The following SCTR variants were observed in gnomAD, a reference collection of about 807,000 sequenced individuals.
SCTR encodes the protein pancreatic secretin receptor.
A neutral mutation model predicts 60.8 loss-of-function variants in SCTR; 56 were observed. The ratio of observed to expected loss-of-function variants is 0.92; its 90% CI spans 0.74 to 1.15. The LOEUF (loss-of-function observed/expected upper bound fraction) is 1.15. Ranked by LOEUF, SCTR falls within the 50% of genes most tolerant of loss-of-function variation. SCTR has a pLI of 0.00. For missense variants in SCTR, 562 were observed against 550.4 expected (o/e 1.02, Z -0.21); for synonymous variants, 202 against 217.0 (o/e 0.93, Z 0.61).
In SCTR at chr2:119,478,803, G is replaced by A. The variant is rs774287577; in HGVS notation, c.301+8C>T. 6.2e-7 allele frequency: 1 copy of A among 1,614,136 alleles called. No homozygotes were observed. The highest frequency in any genetic ancestry group is 1.7e-5 in the Admixed American group (1 of 60,020). On this transcript the variant is annotated splice_region_variant and intron_variant, in intron 3 of 12. Transcript: ENST00000019103. ...CTGTCCGCCAGGCCCCATGGGCCGA[G>A]TGGTTACCATTTCTGCTGGTGAGCA...
At chr2:119,506,548 C>T (rs1678745917) in intron 1 of SCTR, among the ~76,000 whole-genome samples, 1 of 151,972 alleles carries the variant, frequency 6.6e-6, no homozygotes, top group Non-Finnish European at 1.5e-5. Context: ...GTGGTGTAAT[C>T]ATAGTTCACC....
chr2:119,450,057 AG>A (rs201640014), intron 9 of SCTR, among the ~76,000 whole-genome samples: 7,794 of 147,446 alleles, frequency 0.053, 747 homozygotes, highest in African/African-American at 0.18. Context: ...GAAAAAAGAA[AG>A]AAAAAGAAAG....
In SCTR at chr2:119,511,724, T is replaced by C. The variant is rs1017114096; in HGVS notation, c.72+12431A>G. 4.6e-5 allele frequency among the ~76,000 whole-genome samples: 7 copies of C among 152,312 alleles called. No homozygotes were observed. In the South Asian group the frequency reaches 1.4e-3, roughly 32 times the overall value. On this transcript the variant is annotated intron_variant, in intron 1 of 12. Transcript: ENST00000019103. ...CTGGGGTCTCATTTCCTAGGTATCA[T>C]GGCTTTTTCCTTGGTTTGCTCTCAT...
At chr2:119,499,084 A>G (rs1336613719) in intron 1 of SCTR, among the ~76,000 whole-genome samples, 1 of 152,092 alleles carries the variant, frequency 6.6e-6, no homozygotes, top group African/African-American at 2.4e-5. Flanking sequence ...TATTAATGTA[A>G]GATAAAGTAC....
chr2:119,486,935 G>A (rs542912204), intron 2 of SCTR: 7 of 152,374 alleles, frequency 4.6e-5, no homozygotes, highest in African/African-American at 1.7e-4. Context: ...ACTCCAGAAA[G>A]GAGCTAGGAA....
At chr2:119,455,742 A>G (rs902674832) in intron 7 of SCTR, among the ~76,000 whole-genome samples, 1 of 152,250 alleles carries the variant, frequency 6.6e-6, no homozygotes, top group Non-Finnish European at 1.5e-5. Context: ...AGGATGTACA[A>G]CATTAGACTA....
Position 119,446,876 on chromosome 2 carries a change from GGC to G in SCTR, c.1021_1022del (p.Ala341GlnfsTer32), listed in dbSNP as rs1416333550. 8.5e-6 allele frequency: 13 copies of G among 1,537,044 alleles called. No individual in the cohort carries two copies. Among genetic ancestry groups the G allele is most frequent in the Non-Finnish European group, 1.1e-5 (12 of 1,140,290 alleles). The stretch of plus-strand genomic sequence containing the variant: ...GGGGGATCAGCAGGAGAGTGGACCT[GGC>G]CAGGCGCCTGGGGACACAGAAAGCC... The part of the protein sequence containing the change: ...GNEVSHYKRL[A>X]RSTLLLIPLF... On this transcript the variant is annotated frameshift_variant, in exon 11 of 13. Coordinates refer to ENST00000019103, the MANE Select transcript of SCTR (RefSeq NM_002980.3). LOFTEE classifies it high-confidence loss of function.
intron 1 of SCTR, among the ~76,000 whole-genome samples, chr2:119,512,428 G>A (rs993281651): frequency 1.9e-4 from 26 of 140,476 alleles, no homozygotes; most frequent in Non-Finnish European, 2.1e-4. Flanking sequence ...ATGGAGTCCC[G>A]CTCTATTTCC....
chr2:119,471,112 G>A (rs1290945472), intron 4 of SCTR, among the ~76,000 whole-genome samples: 1 of 152,198 alleles, frequency 6.6e-6, no homozygotes, highest in African/African-American at 2.4e-5. Flanking sequence ...ATTCTGTGGT[G>A]CTGCCTCATC....
At chr2:119,461,170 G>A (rs909671744) in intron 7 of SCTR, among the ~76,000 whole-genome samples, 5 of 152,298 alleles carry the variant, frequency 3.3e-5, no homozygotes, top group African/African-American at 9.6e-5. Flanking sequence ...AATTAATTTC[G>A]TTTATGTTTA....
chr2:119,520,452 T>C (rs1679253727), intron 1 of SCTR, among the ~76,000 whole-genome samples: 1 of 152,176 alleles, frequency 6.6e-6, no homozygotes, highest in South Asian at 2.1e-4. Context: ...TGAGCCATAA[T>C]CGCACCATTG....
chr2:119,520,934 T>C (rs564015941), intron 1 of SCTR, among the ~76,000 whole-genome samples: 1 of 152,326 alleles, frequency 6.6e-6, no homozygotes, highest in Admixed American at 6.5e-5. Context: ...GGGGCGATTT[T>C]GCCCTTCCTA....
chr2:119,508,531 C>T (rs751305331), intron 1 of SCTR, among the ~76,000 whole-genome samples: 5 of 151,648 alleles, frequency 3.3e-5, no homozygotes, highest in East Asian at 1.9e-4. Flanking sequence ...GGACTACAGG[C>T]GCATACCACC....
Position 119,479,068 on chromosome 2 carries a change from G to T in SCTR, c.194-150C>A, listed in dbSNP as rs759558921. On this transcript the variant is annotated intron_variant, in intron 2 of 12. Coordinates refer to ENST00000019103, the MANE Select transcript of SCTR (RefSeq NM_002980.3). ...TTAGGTGCTGACTCCTCAGGATCAG[G>T]AACCTATCCTGTCTAATGCACCCTT... 3.5e-5 allele frequency: 51 copies of T among 1,465,766 alleles called. 1 individual carries two copies. The highest frequency in any genetic ancestry group is 4.4e-5 in the Non-Finnish European group (49 of 1,107,034). The allele number at this position is 1,465,766 out of a possible 1,614,324, so 90.8% of individuals were successfully genotyped here. A position where few individuals can be genotyped will look rare whatever the true frequency, so the allele number is the denominator to read the frequency against.
chr2:119,448,475 C>T (rs1683016230), intron 10 of SCTR, among the ~76,000 whole-genome samples: 1 of 152,166 alleles, frequency 6.6e-6, no homozygotes, highest in Admixed American at 6.5e-5. Flanking sequence ...AGGCTTCCTG[C>T]CTGAGATTTC....
intron 1 of SCTR, chr2:119,495,591 A>G (rs1040528672): frequency 6.6e-6 from 1 of 152,294 alleles, no homozygotes; most frequent in Admixed American, 6.5e-5. Flanking sequence ...GTTCTGGGCC[A>G]GAGAAGGACA....
chr2:119,459,428 A>T (rs1456985392), intron 7 of SCTR, among the ~76,000 whole-genome samples: 1 of 151,834 alleles, frequency 6.6e-6, no homozygotes, highest in African/African-American at 2.4e-5. Context: ...ACTTAAAAAA[A>T]TTTTTTTTAC....
chr2:119,513,628 C>T (rs990903131), intron 1 of SCTR, among the ~76,000 whole-genome samples: 5 of 152,120 alleles, frequency 3.3e-5, no homozygotes, highest in African/African-American at 9.7e-5. Flanking sequence ...AGACCACAAA[C>T]GTTTTGTATA....
chr2:119,497,348 C>CA (rs144617003), intron 1 of SCTR, among the ~76,000 whole-genome samples: 7,081 of 138,872 alleles, frequency 0.051, 370 homozygotes, highest in African/African-American at 0.14. Context: ...CTTCCCCTCT[C>CA]AAAAAAAAAA....
Sources: gnomAD v4.1 joint callset for allele counts (sites outside exome capture counted in the v4.1 genomes callset) on GRCh38, gnomAD v4.1.1 for gene constraint, MANE v1.5 for transcripts, NCBI Gene and HGNC (gene_info 2026-07-23, HGNC 2026-07-21) for gene names.